The following FAM120A variants were observed in gnomAD, a reference collection of about 807,000 sequenced individuals.
FAM120A encodes the protein family with sequence similarity 120 member A, also known as constitutive coactivator of PPAR-gamma-like protein 1.
Under a neutral mutation model 109.7 loss-of-function variants are expected in FAM120A, and 15 were observed. The observed-to-expected ratio is 0.14, with a 90% CI of 0.09 to 0.21. FAM120A has a LOEUF of 0.21. Ranked by LOEUF, FAM120A falls within the 10% of genes least tolerant of loss-of-function variation. The pLI, the probability that FAM120A is intolerant of heterozygous loss-of-function variation, is 1.00. For missense variants in FAM120A, 899 were observed against 1,439.3 expected, an observed-to-expected ratio of 0.62 and a Z score of 6.07; for synonymous variants, 493 against 572.8, an observed-to-expected ratio of 0.86 and a Z score of 1.99.
At chr9:93,485,814 T>G (rs891021649) in intron 3 of FAM120A, among the ~76,000 whole-genome samples, 3 of 152,160 alleles carry the variant, frequency 2.0e-5, no homozygotes, top group Non-Finnish European at 2.9e-5. Context: ...CTACAACCCC[T>G]TGGCCAACCA....
chr9:93,540,922 C>T (rs1861674896), intron 10 of FAM120A, among the ~76,000 whole-genome samples: 1 of 151,790 alleles, frequency 6.6e-6, no homozygotes, highest in African/African-American at 2.4e-5. Context: ...AGAACAGAGC[C>T]GATGAAAGGG....
chr9:93,532,380 C>T lies in FAM120A; in HGVS notation c.1909+51C>T. On this transcript the variant is annotated intron_variant, in intron 10 of 17. Transcript: ENST00000277165. This position sits in a 1 kb window ranked among gnomAD's most constrained non-coding sequence, Gnocchi z 4.3. ...TGTTTTCCTCGGTACCTCGTAATCT[C>T]TTGTGCATTTTCTAAAGCCTTAGAA... 1 of 1,592,814 alleles carries T rather than the reference C, an allele frequency of 6.3e-7. No homozygotes were observed. Among genetic ancestry groups the T allele is most frequent in the Non-Finnish European group, 8.6e-7 (1 of 1,161,194 alleles).
chr9:93,552,040 G>T, intron 12 of FAM120A, among the ~76,000 whole-genome samples: 1 of 152,100 alleles, frequency 6.6e-6, no homozygotes, highest in Non-Finnish European at 1.5e-5. Context: ...TGCTTCAGGG[G>T]GTTGGAGATA....
chr9:93,475,393 C>T (rs1399302358), intron 2 of FAM120A, among the ~76,000 whole-genome samples: 1 of 152,098 alleles, frequency 6.6e-6, no homozygotes, highest in Non-Finnish European at 1.5e-5. Flanking sequence ...TATATTATAA[C>T]GTAGCAATAT....
At chr9:93,463,750 C>T (rs1041554077) in intron 1 of FAM120A, among the ~76,000 whole-genome samples, 47 of 152,112 alleles carry the variant, frequency 3.1e-4, no homozygotes, top group African/African-American at 1.1e-3. Context: ...TCACATTGTT[C>T]CCTGAACTGG....
chr9:93,529,553 C>T lies in FAM120A; in HGVS notation c.1707C>T (p.Tyr569=), dbSNP rs1230284996. The part of the protein sequence containing the change: ...AEHRHKKGLM[Y]PYIFHVLTKG... The stretch of plus-strand genomic sequence containing the variant: ...ACAGGCACAAGAAGGGGCTGATGTA[C>T]CCCTACATCTTCCATGTCCTGACGA... The change falls in exon 9 of 18, where the codon TAC becomes TAT. Residue 569 remains tyrosine (Y), a synonymous_variant. Transcript: ENST00000277165. The T allele has an allele frequency of 1.9e-6, 3 of 1,614,082 alleles. No individual in the cohort carries two copies. Among genetic ancestry groups the T allele is most frequent in the African/African-American group, 1.3e-5 (1 of 74,934 alleles).
At chr9:93,563,098 A>G (rs1296256316) in intron 17 of FAM120A, among the ~76,000 whole-genome samples, 2 of 152,222 alleles carry the variant, frequency 1.3e-5, no homozygotes, top group Non-Finnish European at 2.9e-5. Flanking sequence ...AGGATGTTGT[A>G]GGAGAGTATG....
chr9:93,511,264 C>A (rs73651245), intron 5 of FAM120A, among the ~76,000 whole-genome samples: 3,410 of 152,316 alleles, frequency 0.022, 125 homozygotes, highest in African/African-American at 0.077. Flanking sequence ...CCTTCTGTCA[C>A]CAGGCCTCCT....
At chr9:93,473,047 T>C (rs750548657) in intron 2 of FAM120A, among the ~76,000 whole-genome samples, 91 of 152,184 alleles carry the variant, frequency 6.0e-4, no homozygotes, top group Non-Finnish European at 1.0e-3. Flanking sequence ...AAATGGAGTC[T>C]TGCTTTGTTG....
intron 1 of FAM120A, among the ~76,000 whole-genome samples, chr9:93,453,968 T>C (rs1564301465): frequency 1.3e-5 from 2 of 152,248 alleles, no homozygotes; most frequent in South Asian, 4.1e-4. Context: ...ACACTGTGAA[T>C]ATTACTTAGG....
intron 1 of FAM120A, among the ~76,000 whole-genome samples, chr9:93,467,597 C>A (rs1453558818): frequency 1.3e-5 from 2 of 152,086 alleles, no homozygotes; most frequent in East Asian, 3.9e-4. Context: ...GTGGTCCTAC[C>A]TTTGCTGCAG....
chr9:93,486,564 T>TA (rs1212374450), intron 3 of FAM120A, among the ~76,000 whole-genome samples: 1 of 151,566 alleles, frequency 6.6e-6, no homozygotes, highest in Admixed American at 6.6e-5. Context: ...CTCACTTTTT[T>TA]AGAGTCTCAC....
intron 5 of FAM120A, among the ~76,000 whole-genome samples, chr9:93,511,048 C>T (rs1860294470): frequency 6.6e-6 from 1 of 151,574 alleles, no homozygotes; most frequent in Non-Finnish European, 1.5e-5. Context: ...AGTAAAGCAA[C>T]CCTTTTCATT....
chr9:93,542,006 T>C (rs1861719296), intron 10 of FAM120A, among the ~76,000 whole-genome samples: 1 of 152,268 alleles, frequency 6.6e-6, no homozygotes, highest in African/African-American at 2.4e-5. Context: ...CAGCCAGTAA[T>C]ACATTTAACT....
At chr9:93,504,128 A>G (rs750284404) in intron 5 of FAM120A, among the ~76,000 whole-genome samples, 3 of 152,152 alleles carry the variant, frequency 2.0e-5, no homozygotes, top group African/African-American at 7.2e-5. Flanking sequence ...AGGTGCCAAT[A>G]TGGGAAGAAG....
intron 1 of FAM120A, among the ~76,000 whole-genome samples, chr9:93,461,826 T>G (rs960617956): frequency 2.0e-5 from 3 of 152,204 alleles, no homozygotes; most frequent in African/African-American, 4.8e-5. Flanking sequence ...TTTGGATTTT[T>G]GATTTTTGAA....
chr9:93,506,889 A>C (rs1473732444), intron 5 of FAM120A, among the ~76,000 whole-genome samples: 2 of 152,040 alleles, frequency 1.3e-5, no homozygotes, highest in Non-Finnish European at 2.9e-5. Flanking sequence ...GGTGTGAGCT[A>C]CCACACCTGG....
At chr9:93,550,438 T>C (rs1862057363) in intron 11 of FAM120A, 139 bp from the exon 12 acceptor site, 1 of 626,270 alleles carries the variant, frequency 1.6e-6, no homozygotes, top group South Asian at 1.9e-5. Context: ...AGTAGAAAAG[T>C]AGAAAAGCTG....
intron 17 of FAM120A, among the ~76,000 whole-genome samples, chr9:93,563,020 C>T (rs758866851): frequency 3.3e-5 from 5 of 152,072 alleles, no homozygotes; most frequent in African/African-American, 4.8e-5. Flanking sequence ...AAGAAAATGA[C>T]GATTGCATTG....
Sources: allele counts gnomAD v4.1 joint callset (sites outside exome capture counted in the v4.1 genomes callset), GRCh38; gene constraint gnomAD v4.1.1; non-coding constraint Gnocchi (gnomAD v3.1); transcripts MANE v1.5; gene names NCBI Gene and HGNC (gene_info 2026-07-23, HGNC 2026-07-21).